Variants in NRCAM observed in about 807,000 individuals in gnomAD.
The protein encoded by NRCAM is NgCAM-related cell adhesion molecule.
A neutral mutation model predicts 156.5 loss-of-function variants in NRCAM; 83 were observed. The ratio of observed to expected loss-of-function variants is 0.53; its 90% CI spans 0.44 to 0.64. The LOEUF (loss-of-function observed/expected upper bound fraction) is 0.64. NRCAM is among the 30% of genes least tolerant of loss of function. The probability of loss-of-function intolerance (pLI) is 0.00; values close to 1 mark genes in which losing one functional copy is unlikely to be tolerated. For missense variants in NRCAM, 1,417 were observed against 1,597.3 expected, an observed-to-expected ratio of 0.89 and a Z score of 1.92; for synonymous variants, 538 against 563.9, an observed-to-expected ratio of 0.95 and a Z score of 0.65.
At chr7:108,180,193 T>G in intron 25 of NRCAM, 30 bp downstream of exon 25, 111 of 1,592,168 alleles carry the variant, frequency 7.0e-5, no homozygotes, top group Middle Eastern at 1.9e-4. Context: ...CATATGTTCC[T>G]GAGATCTTAG....
At chr7:108,201,703 T>G (rs2078239088) in intron 13 of NRCAM, among the ~76,000 whole-genome samples, 1 of 152,218 alleles carries the variant, frequency 6.6e-6, no homozygotes, top group Admixed American at 6.5e-5. Context: ...AGAAAGCTTT[T>G]CTGTTGCTCT....
intron 7 of NRCAM, among the ~76,000 whole-genome samples, chr7:108,232,023 C>T (rs2094397438): frequency 6.6e-6 from 1 of 152,082 alleles, no homozygotes; most frequent in Non-Finnish European, 1.5e-5. Flanking sequence ...AGGAATTTCA[C>T]TTTCACAGGA....
At chr7:108,392,538 A>T (rs2099763615) in intron 2 of NRCAM, among the ~76,000 whole-genome samples, 1 of 151,960 alleles carries the variant, frequency 6.6e-6, no homozygotes, top group Non-Finnish European at 1.5e-5. Flanking sequence ...TAGCTCAGAG[A>T]AGTTTGATCG....
chr7:108,326,574 A>T (rs933336991), intron 2 of NRCAM, among the ~76,000 whole-genome samples: 1 of 152,218 alleles, frequency 6.6e-6, no homozygotes, highest in African/African-American at 2.4e-5. Context: ...AAAGTAGTAG[A>T]ATTAAACTAA....
chr7:108,174,762 G>A (rs377725519), intron 28 of NRCAM, among the ~76,000 whole-genome samples: 2 of 152,220 alleles, frequency 1.3e-5, no homozygotes, highest in East Asian at 1.9e-4. Context: ...AGAGCATATG[G>A]GTCACCTGGA....
chr7:108,405,936 T>C (rs1175299791), intron 1 of NRCAM, among the ~76,000 whole-genome samples: 2 of 149,844 alleles, frequency 1.3e-5, no homozygotes, highest in East Asian at 2.0e-4. Context: ...CTGGGCAACA[T>C]AGTGAGAATG....
At chr7:108,252,614 G>C (rs943954190) in intron 3 of NRCAM, among the ~76,000 whole-genome samples, 13 of 151,878 alleles carry the variant, frequency 8.6e-5, no homozygotes, top group African/African-American at 3.2e-4. Context: ...TTTAACTTCT[G>C]ATTTTTATCA....
intron 4 of NRCAM, among the ~76,000 whole-genome samples, chr7:108,239,239 A>G (rs2095364149): frequency 6.6e-6 from 1 of 152,152 alleles, no homozygotes; most frequent in Non-Finnish European, 1.5e-5. Context: ...TACTACTAGG[A>G]AAATGGAGGG....
intron 26 of NRCAM, among the ~76,000 whole-genome samples, chr7:108,177,067 A>C (rs2060775803): frequency 6.6e-6 from 1 of 152,224 alleles, no homozygotes; most frequent in Non-Finnish European, 1.5e-5. Flanking sequence ...CAGATTACTT[A>C]ATTTTTAATA....
chr7:108,364,246 A>C (rs2099577964), intron 2 of NRCAM, among the ~76,000 whole-genome samples: 1 of 152,238 alleles, frequency 6.6e-6, no homozygotes, highest in Admixed American at 6.5e-5. Flanking sequence ...AAACAAGAAC[A>C]TGAAGACATG....
rs2095428412 is a variant in NRCAM at position 108,240,093 on chromosome 7, C to T, written c.-29G>A. 1.4e-6 allele frequency: 2 copies of T among 1,464,970 alleles called. No homozygotes were observed. Among genetic ancestry groups the T allele is most frequent in the Non-Finnish European group, 1.9e-6 (2 of 1,053,482 alleles). 90.7% of individuals were successfully genotyped at this position (1,464,970 alleles called of 1,614,324 possible). A position where few individuals can be genotyped will look rare whatever the true frequency, so the allele number is the denominator to read the frequency against. ...CTTAACTCCTGCTGAGACTCACACACTGAATTTCCTTTTCTTCTTTCACAA... is the reference window on the plus strand; with the variant it reads ...CTTAACTCCTGCTGAGACTCACACATTGAATTTCCTTTTCTTCTTTCACAA... On this transcript the variant is annotated 5_prime_UTR_variant, in exon 4 of 33. The change creates a new upstream start codon in the 5' untranslated region. Transcript: ENST00000379028.
chr7:108,192,180 G>A (rs1010341622), intron 17 of NRCAM, among the ~76,000 whole-genome samples: 6 of 152,170 alleles, frequency 3.9e-5, no homozygotes, highest in Non-Finnish European at 2.9e-5. Flanking sequence ...CTGCTCTAGA[G>A]GGTGTGGTAG....
Position 108,180,445 on chromosome 7 carries a change from A to T in NRCAM, c.2647-18T>A. ...TAGTAAATCTGAAACAGCAAGAACG[A>T]AAGTCAGGAATGCAGAAAGGAGCAA... On this transcript the variant is annotated intron_variant, in intron 24 of 32. Coordinates refer to ENST00000379028, the MANE Select transcript of NRCAM (RefSeq NM_001037132.4). The T allele has an allele frequency of 6.3e-7, 1 of 1,599,692 alleles. No homozygotes were observed. The highest frequency in any genetic ancestry group is 1.1e-5 in the South Asian group (1 of 90,696).
chr7:108,177,655 A>ATATATATATATATG, intron 26 of NRCAM, among the ~76,000 whole-genome samples: 1 of 14,928 alleles, frequency 6.7e-5, no homozygotes, highest in African/African-American at 1.2e-4. Flanking sequence ...ATATATATAT[A>ATATATATATATATG]TATATGTATA....
chr7:108,170,537 A>G (rs1311163668), intron 28 of NRCAM, among the ~76,000 whole-genome samples: 2 of 152,182 alleles, frequency 1.3e-5, no homozygotes, highest in Non-Finnish European at 2.9e-5. Context: ...TCACCTACCT[A>G]TGACCTAGAA....
At chr7:108,373,782 T>G (rs1357324339) in intron 2 of NRCAM, among the ~76,000 whole-genome samples, 1 of 152,176 alleles carries the variant, frequency 6.6e-6, no homozygotes, top group Non-Finnish European at 1.5e-5. Flanking sequence ...GTGGGCAACA[T>G]GCATTTGGAC....
In NRCAM at chr7:108,209,487, T is replaced by A. The variant is rs202209307; in HGVS notation, c.1009A>T (p.Asn337Tyr). The stretch of plus-strand genomic sequence containing the variant: ...GCGTTTTTTGCTATACATTGGTAAT[T>A]TCCAGAGTCTGCTTCTGAAACATGA... ...IIHVSEADSG[N>Y]YQCIAKNALG... Residue 337 changes from asparagine to tyrosine, a missense_variant, in exon 12 of 33, where the codon AAT (asparagine) becomes TAT (tyrosine). By Grantham distance (143) the Asn-to-Tyr change is moderately radical (BLOSUM62 -2). Coordinates refer to ENST00000379028, the MANE Select transcript of NRCAM (RefSeq NM_001037132.4). 4 of 1,611,976 alleles carry A rather than the reference T, an allele frequency of 2.5e-6. No homozygotes were observed. In the East Asian group the frequency reaches 6.7e-5, roughly 27 times the overall value.
chr7:108,346,891 T>C (rs2099359197), intron 2 of NRCAM, among the ~76,000 whole-genome samples: 1 of 136,214 alleles, frequency 7.3e-6, no homozygotes, highest in African/African-American at 2.5e-5. Flanking sequence ...AATTGTTTAA[T>C]ATTCATCATA....
chr7:108,415,534 T>C (rs1800472617), intron 1 of NRCAM, among the ~76,000 whole-genome samples: 1 of 152,162 alleles, frequency 6.6e-6, no homozygotes, highest in Admixed American at 6.6e-5. Flanking sequence ...TAAAAAGAGA[T>C]AATAAATGCT....
Sources: allele counts gnomAD v4.1 joint callset (sites outside exome capture counted in the v4.1 genomes callset), GRCh38; gene constraint gnomAD v4.1.1; transcripts MANE v1.5; gene names NCBI Gene and HGNC (gene_info 2026-07-23, HGNC 2026-07-21).